Variants in HS6ST3 observed in about 807,000 individuals in gnomAD.
HS6ST3 encodes the protein heparan-sulfate 6-O-sulfotransferase 3.
A neutral mutation model predicts 36.7 loss-of-function variants in HS6ST3; 12 were observed. The observed-to-expected ratio is 0.33, with a 90% CI of 0.21 to 0.53. The LOEUF (loss-of-function observed/expected upper bound fraction) is 0.53, where lower values mean the gene tolerates loss of function less well. Ranked by LOEUF, HS6ST3 falls within the 20% of genes least tolerant of loss-of-function variation. The probability of loss-of-function intolerance (pLI) is 0.95; values close to 1 mark genes in which losing one functional copy is unlikely to be tolerated. For missense variants in HS6ST3, 584 were observed against 640.9 expected (o/e 0.91, Z 0.96); for synonymous variants, 240 against 257.5 (o/e 0.93, Z 0.65).
At chr13:96,573,244 C>T (rs1296559605) in intron 1 of HS6ST3, among the ~76,000 whole-genome samples, 1 of 152,156 alleles carries the variant, frequency 6.6e-6, no homozygotes, top group Non-Finnish European at 1.5e-5. Flanking sequence ...CCTGTCTACT[C>T]TTAATGAAAA....
chr13:96,457,262 G>T (rs1244714617), intron 1 of HS6ST3, among the ~76,000 whole-genome samples: 3 of 152,076 alleles, frequency 2.0e-5, no homozygotes, highest in Non-Finnish European at 2.9e-5. Flanking sequence ...GAAGCAGTTT[G>T]CTTAAGTTAT....
intron 1 of HS6ST3, among the ~76,000 whole-genome samples, chr13:96,179,471 G>A (rs917407483): frequency 5.9e-5 from 9 of 152,002 alleles, no homozygotes; most frequent in African/African-American, 1.2e-4. Flanking sequence ...TTATTTACTC[G>A]TCCATTCACC....
intron 1 of HS6ST3, among the ~76,000 whole-genome samples, chr13:96,202,838 A>G (rs1566286270): frequency 6.6e-6 from 1 of 152,216 alleles, no homozygotes; most frequent in Non-Finnish European, 1.5e-5. Flanking sequence ...TCTGAAAATT[A>G]TCAGTTCTGC....
intron 1 of HS6ST3, among the ~76,000 whole-genome samples, chr13:96,440,591 T>A (rs2139479946): frequency 6.6e-6 from 1 of 152,202 alleles, no homozygotes; most frequent in African/African-American, 2.4e-5. Context: ...CTTGAGAATT[T>A]ATTAATACCA....
At chr13:96,252,500 T>G (rs185263363) in intron 1 of HS6ST3, among the ~76,000 whole-genome samples, 1 of 152,314 alleles carries the variant, frequency 6.6e-6, no homozygotes, top group Admixed American at 6.5e-5. Flanking sequence ...CAGTCAGGTC[T>G]TGTGCTGAGA....
chr13:96,347,243 A>G (rs766103351), intron 1 of HS6ST3, among the ~76,000 whole-genome samples: 7 of 152,186 alleles, frequency 4.6e-5, no homozygotes, highest in Non-Finnish European at 8.8e-5. Flanking sequence ...ACAGAAATAG[A>G]TAATGGATGC....
intron 1 of HS6ST3, among the ~76,000 whole-genome samples, chr13:96,813,270 T>C (rs1878356993): frequency 1.3e-5 from 2 of 152,194 alleles, no homozygotes; most frequent in South Asian, 2.1e-4. Context: ...ATAAACTCTG[T>C]ATTCAATTTT....
intron 1 of HS6ST3, among the ~76,000 whole-genome samples, chr13:96,568,776 C>T (rs2056290912): frequency 6.6e-6 from 1 of 152,078 alleles, no homozygotes; most frequent in Non-Finnish European, 1.5e-5. Context: ...CTGTGTTTGT[C>T]CTGCTGAAAA....
chr13:96,567,570 A>G (rs2056286174), intron 1 of HS6ST3, among the ~76,000 whole-genome samples: 1 of 152,194 alleles, frequency 6.6e-6, no homozygotes, highest in African/African-American at 2.4e-5. Flanking sequence ...GTTTTTACAC[A>G]CACACCCTCT....
chr13:96,391,198 T>G (rs1428248802), intron 1 of HS6ST3, among the ~76,000 whole-genome samples: 2 of 152,160 alleles, frequency 1.3e-5, no homozygotes, highest in African/African-American at 4.8e-5. Context: ...CATTCTCATT[T>G]GTTACATTTT....
intron 1 of HS6ST3, among the ~76,000 whole-genome samples, chr13:96,546,313 C>A (rs528574020): frequency 1.3e-5 from 2 of 149,680 alleles, no homozygotes; most frequent in East Asian, 3.9e-4. Context: ...ATTACAGGGG[C>A]GTGTGTGTGT....
intron 1 of HS6ST3, among the ~76,000 whole-genome samples, chr13:96,657,145 C>T (rs2056628756): frequency 6.6e-6 from 1 of 152,026 alleles, no homozygotes; most frequent in East Asian, 1.9e-4. Flanking sequence ...TTATTCAGCA[C>T]CAACAGAGAT....
chr13:96,419,461 A>C (rs146898841), intron 1 of HS6ST3, among the ~76,000 whole-genome samples: 2 of 152,326 alleles, frequency 1.3e-5, no homozygotes, highest in East Asian at 3.9e-4. Flanking sequence ...TCTGTTTGGC[A>C]TGATGTTTTG....
chr13:96,504,050 C>T (rs530623013), intron 1 of HS6ST3, among the ~76,000 whole-genome samples: 1 of 152,286 alleles, frequency 6.6e-6, no homozygotes, highest in East Asian at 1.9e-4. Context: ...ACCCTCATGA[C>T]TGAATTTCCT....
intron 1 of HS6ST3, among the ~76,000 whole-genome samples, chr13:96,752,644 A>C (rs1409080132): frequency 6.6e-6 from 1 of 151,906 alleles, no homozygotes; most frequent in Non-Finnish European, 1.5e-5. Flanking sequence ...TTTTCTACAC[A>C]ATCATTTGTC....
intron 1 of HS6ST3, among the ~76,000 whole-genome samples, chr13:96,263,179 A>G (rs1786848976): frequency 6.6e-6 from 1 of 152,212 alleles, no homozygotes; most frequent in Non-Finnish European, 1.5e-5. Flanking sequence ...TACTGGTGAC[A>G]GTCACAAGTT....
At position 96,468,983 on chromosome 13, in the gene HS6ST3, ATTTTTCTAATGAAAATAT is replaced by A. The variant is rs555136160; in HGVS notation, c.708-363486_708-363469del. Among the ~76,000 whole-genome samples the A allele has an allele frequency of 1.1e-3, 165 of 152,048 alleles. 3 individuals are homozygous for A. In the East Asian group the frequency reaches 0.023, roughly 21 times the overall value. On this transcript the variant is annotated intron_variant, in intron 1 of 1. Transcript: ENST00000376705. The stretch of plus-strand genomic sequence containing the variant: ...CATGTCTTTTTCTAAAGAAAAAAAT[ATTTTTCTAATGAAAATAT>A]TTTTTCTAATGAAAATATTTCCATG...
intron 1 of HS6ST3, among the ~76,000 whole-genome samples, chr13:96,093,471 T>G (rs2053775027): frequency 1.3e-5 from 2 of 152,164 alleles, no homozygotes; most frequent in Non-Finnish European, 2.9e-5. Flanking sequence ...TAGTGTATGA[T>G]CAAGTTATTT....
At chr13:96,782,764 C>A (rs1238721310) in intron 1 of HS6ST3, among the ~76,000 whole-genome samples, 1 of 152,166 alleles carries the variant, frequency 6.6e-6, no homozygotes, top group South Asian at 2.1e-4. Context: ...GGAGGAGAAC[C>A]TTTCTGCCCA....
Sources: allele counts gnomAD v4.1 joint callset (sites outside exome capture counted in the v4.1 genomes callset), GRCh38; gene constraint gnomAD v4.1.1; transcripts MANE v1.5; gene names NCBI Gene and HGNC (gene_info 2026-07-23, HGNC 2026-07-21).